Variants in EPHA8 observed in about 807,000 individuals in gnomAD.
The protein encoded by EPHA8 is EPH receptor A8.
In EPHA8, 58 loss-of-function variants were observed where a neutral mutation model predicts 103.6. That is an observed-to-expected ratio of 0.56 (90% CI 0.45 to 0.70). The LOEUF is 0.70. Ranked by LOEUF, EPHA8 falls within the 30% of genes least tolerant of loss-of-function variation. The probability of loss-of-function intolerance (pLI) is 0.00; values close to 1 mark genes in which losing one functional copy is unlikely to be tolerated. For synonymous variants in EPHA8, 559 were observed against 572.5 expected (o/e 0.98, Z 0.34); for missense variants, 1,304 against 1,395.2 (o/e 0.93, Z 1.04).
chr1:22,590,025 A>G (rs2148254745), intron 5 of EPHA8, among the ~76,000 whole-genome samples: 1 of 152,120 alleles, frequency 6.6e-6, no homozygotes, highest in Non-Finnish European at 1.5e-5. Flanking sequence ...GGTCTGTGTC[A>G]CTCCCAAGTG....
rs199633667 is a variant in EPHA8, at chr1:22,574,959, AT to A, written c.160-1249del. Among the ~76,000 whole-genome samples, 197 of 151,292 alleles carry A rather than the reference AT, an allele frequency of 1.3e-3. 1 individual carries two copies. The highest frequency in any genetic ancestry group is 1.7e-3 in the Non-Finnish European group (112 of 67,768). On this transcript the variant is annotated intron_variant, in intron 2 of 16. Coordinates refer to ENST00000166244, the MANE Select transcript of EPHA8 (RefSeq NM_020526.5). ...ATCCTTGCCAACACTTATTATTATCATTTTTTTTTAAGAGGGAGTCTCGCTC... is the reference window on the plus strand; with the variant it reads ...ATCCTTGCCAACACTTATTATTATCATTTTTTTTAAGAGGGAGTCTCGCTC...
chr1:22,568,667 G>A (rs947184106), intron 1 of EPHA8, among the ~76,000 whole-genome samples: 13 of 152,358 alleles, frequency 8.5e-5, no homozygotes, highest in African/African-American at 2.4e-4. Flanking sequence ...CTCTTACCCC[G>A]CTAAGCCCCT....
intron 7 of EPHA8, 81 bp from the exon 8 acceptor site, chr1:22,595,149 C>A: frequency 8.4e-7 from 1 of 1,186,578 alleles, no homozygotes; most frequent in Non-Finnish European, 1.2e-6. Flanking sequence ...CACAGCCAGG[C>A]AGGCTCAGAG....
In EPHA8 at chr1:22,601,966, G is replaced by T. The variant is rs1641751779; in HGVS notation, c.*225G>T. 1.7e-6 allele frequency: 1 copy of T among 584,152 alleles called. No individual in the cohort carries two copies. The highest frequency in any genetic ancestry group is 1.9e-5 in the African/African-American group (1 of 51,530). 36.2% of individuals were successfully genotyped at this position (584,152 alleles called of 1,614,324 possible). ...CTGGTGAGGACACCTGTCCCCCAGGGCAGGCACCTTCTCTTTTCCAGAGCC... is the reference window on the plus strand; with the variant it reads ...CTGGTGAGGACACCTGTCCCCCAGGTCAGGCACCTTCTCTTTTCCAGAGCC... On this transcript the variant is annotated 3_prime_UTR_variant, in exon 17 of 17. Coordinates refer to ENST00000166244, the MANE Select transcript of EPHA8 (RefSeq NM_020526.5).
At chr1:22,570,213 CT>C (rs1432384443) in intron 2 of EPHA8, among the ~76,000 whole-genome samples, 1 of 152,228 alleles carries the variant, frequency 6.6e-6, no homozygotes, top group East Asian at 1.9e-4. Flanking sequence ...GTCACATGAA[CT>C]TCCTCTCACC....
chr1:22,565,567 G>T (rs1234283677), intron 1 of EPHA8, among the ~76,000 whole-genome samples: 1 of 152,166 alleles, frequency 6.6e-6, no homozygotes, highest in Admixed American at 6.5e-5. Flanking sequence ...TGGGAGTCAG[G>T]TGGTGCACCC....
At chr1:22,581,938 G>T (rs1471371248) in intron 3 of EPHA8, among the ~76,000 whole-genome samples, 1 of 152,188 alleles carries the variant, frequency 6.6e-6, no homozygotes, top group Non-Finnish European at 1.5e-5. Flanking sequence ...GTCAGCACGG[G>T]TCTCAAACTA....
At chr1:22,600,116 AAGG>A (rs1250363815) in intron 13 of EPHA8, among the ~76,000 whole-genome samples, 18 of 102,238 alleles carry the variant, frequency 1.8e-4, no homozygotes, top group African/African-American at 5.2e-4. Context: ...AGGAGGAAGG[AAGG>A]AGGGAAGGAG....
At chr1:22,564,551 T>C (rs1271201050) in intron 1 of EPHA8, among the ~76,000 whole-genome samples, 4 of 151,436 alleles carry the variant, frequency 2.6e-5, no homozygotes, top group Non-Finnish European at 5.9e-5. Flanking sequence ...GGAGGAAGGA[T>C]TGGGGTGGGG....
chr1:22,570,313 T>TAC (rs753975461), intron 2 of EPHA8, among the ~76,000 whole-genome samples: 3 of 124,358 alleles, frequency 2.4e-5, no homozygotes, highest in East Asian at 2.1e-4. Flanking sequence ...CGTGTGCGTG[T>TAC]ACACACATGC....
intron 2 of EPHA8, among the ~76,000 whole-genome samples, chr1:22,572,773 C>T (rs535992087): frequency 1.3e-5 from 2 of 152,328 alleles, no homozygotes; most frequent in South Asian, 4.1e-4. Context: ...GGGGGAGCAG[C>T]GTGCCAGAGT....
chr1:22,573,311 G>A (rs111440461), intron 2 of EPHA8, among the ~76,000 whole-genome samples: 2,456 of 152,288 alleles, frequency 0.016, 31 homozygotes, highest in Non-Finnish European at 0.026. Context: ...GGGCCTTCCC[G>A]TGCCAGGCCT....
rs954096513 is a variant in EPHA8 at position 22,578,130 on chromosome 1, G to T, written c.823+1250G>T. On this transcript the variant is annotated intron_variant, in intron 3 of 16. Transcript: ENST00000166244. The stretch of plus-strand genomic sequence containing the variant: ...TGCATGTGTGCGTGAGTGTATGCAT[G>T]TGTGCATGTGTGTATGTGTGCGTGT... 4.7e-5 allele frequency among the ~76,000 whole-genome samples: 6 copies of T among 128,500 alleles called. 1 individual carries two copies. Among genetic ancestry groups the T allele is most frequent in the African/African-American group, 1.7e-4 (6 of 34,588 alleles). The allele number at this position is 128,500 out of a possible 152,430, so 84.3% of individuals were successfully genotyped here.
Position 22,567,426 on chromosome 1 carries a change from C to A in EPHA8, c.95-1863C>A, listed in dbSNP as rs945508849. ...GAGAGGGAGGGAGGCAGGCGGGAAG[C>A]CTTCTCTCTGCCTCTGCCCCTGGCG... On this transcript the variant is annotated intron_variant, in intron 1 of 16. Coordinates refer to ENST00000166244, the MANE Select transcript of EPHA8 (RefSeq NM_020526.5). This position sits in a 1 kb window ranked among gnomAD's most constrained non-coding sequence, Gnocchi z 4.2. 6.6e-6 allele frequency among the ~76,000 whole-genome samples: 1 copy of A among 152,160 alleles called. No homozygotes were observed. The highest frequency in any genetic ancestry group is 1.5e-5 in the Non-Finnish European group (1 of 68,022).
intron 2 of EPHA8, among the ~76,000 whole-genome samples, chr1:22,571,839 C>T (rs1352932662): frequency 6.6e-6 from 1 of 152,068 alleles, no homozygotes; most frequent in Non-Finnish European, 1.5e-5. Flanking sequence ...GAGTTCGAGA[C>T]CAGCCTGGGC....
chr1:22,581,377 C>T (rs1257114094), intron 3 of EPHA8, among the ~76,000 whole-genome samples: 2 of 152,228 alleles, frequency 1.3e-5, no homozygotes, highest in Non-Finnish European at 2.9e-5. Context: ...ATTTAGCCAG[C>T]GAGTACAAAT....
Position 22,576,438 on chromosome 1 carries a change from G to A in EPHA8, c.381G>A (p.Leu127=), listed in dbSNP as rs1233906284. Reference sequence around the variant, plus strand: ...AGGAGACCTTCAACCTCTACTACCTGGAGTCGGACCGCGACCTGGGGGCCA... The same window carrying A: ...AGGAGACCTTCAACCTCTACTACCTAGAGTCGGACCGCGACCTGGGGGCCA... ...TCKETFNLYY[L]ESDRDLGAST... Residue 127 remains leucine, a synonymous_variant, in exon 3 of 17, where the codon CTG becomes CTA. Transcript: ENST00000166244. This position sits in a 1 kb window ranked among gnomAD's most constrained non-coding sequence, Gnocchi z 4.8. 2 of 1,614,074 alleles carry A rather than the reference G, an allele frequency of 1.2e-6. No homozygotes were observed. Among genetic ancestry groups the A allele is most frequent in the Non-Finnish European group, 1.7e-6 (2 of 1,180,044 alleles).
chr1:22,591,226 C>CA (rs201097230), intron 5 of EPHA8, among the ~76,000 whole-genome samples: 8 of 151,578 alleles, frequency 5.3e-5, no homozygotes, highest in Non-Finnish European at 7.4e-5. Context: ...CCCATCTCTA[C>CA]AAAAAAAATT....
At chr1:22,564,968 G>A (rs562303077) in intron 1 of EPHA8, among the ~76,000 whole-genome samples, 1 of 152,156 alleles carries the variant, frequency 6.6e-6, no homozygotes, top group East Asian at 1.9e-4. Context: ...CTACACACAA[G>A]CACACACACA....
Sources: gnomAD v4.1 joint callset for allele counts (sites outside exome capture counted in the v4.1 genomes callset) on GRCh38, gnomAD v4.1.1 for gene constraint, Gnocchi (gnomAD v3.1) non-coding constraint, MANE v1.5 for transcripts, NCBI Gene and HGNC (gene_info 2026-07-23, HGNC 2026-07-21) for gene names.